The following GPC5 variants were observed in gnomAD, a reference collection of about 807,000 sequenced individuals.
GPC5 encodes the protein glypican-5.
Under a neutral mutation model 53.9 loss-of-function variants are expected in GPC5, and 47 were observed. That is an observed-to-expected ratio of 0.87 (90% CI 0.69 to 1.11). The LOEUF is 1.11. Among genes scored for constraint, GPC5 ranks in the 50% most tolerant of loss-of-function variants. The probability of loss-of-function intolerance (pLI) is 0.00; values close to 1 mark genes in which losing one functional copy is unlikely to be tolerated. For synonymous variants in GPC5, 286 were observed against 263.3 expected (o/e 1.09, Z -0.84); for missense variants, 748 against 713.1 (o/e 1.05, Z -0.56).
At chr13:92,174,494 C>T (rs535317059) in intron 7 of GPC5, among the ~76,000 whole-genome samples, 3 of 150,148 alleles carry the variant, frequency 2.0e-5, no homozygotes, top group Non-Finnish European at 4.4e-5. Context: ...GAGATCGCAC[C>T]ACTGCATTCC....
At chr13:92,084,185 G>C (rs907330484) in intron 6 of GPC5, among the ~76,000 whole-genome samples, 1 of 152,154 alleles carries the variant, frequency 6.6e-6, no homozygotes, top group African/African-American at 2.4e-5. Context: ...CCTTGACACC[G>C]AGGTGACAGG....
chr13:92,861,445 T>G (rs1407953549), intron 7 of GPC5, among the ~76,000 whole-genome samples: 1 of 152,186 alleles, frequency 6.6e-6, no homozygotes, highest in Non-Finnish European at 1.5e-5. Flanking sequence ...CAATAGATAA[T>G]TGACACTTCA....
intron 5 of GPC5, among the ~76,000 whole-genome samples, chr13:91,761,869 C>A (rs966280300): frequency 1.3e-5 from 2 of 152,090 alleles, no homozygotes; most frequent in African/African-American, 4.8e-5. Flanking sequence ...AGCCCCTCTC[C>A]CCTCCCTGGA....
chr13:92,346,628 G>A (rs1488629240), intron 7 of GPC5, among the ~76,000 whole-genome samples: 1 of 152,126 alleles, frequency 6.6e-6, no homozygotes. Flanking sequence ...AGAAAACAAT[G>A]CAAGCACACA....
At chr13:91,924,546 G>A (rs2039748054) in intron 6 of GPC5, among the ~76,000 whole-genome samples, 2 of 151,686 alleles carry the variant, frequency 1.3e-5, no homozygotes, top group Admixed American at 1.3e-4. Context: ...GCAACATGGT[G>A]AAAACCCATC....
intron 5 of GPC5, among the ~76,000 whole-genome samples, chr13:91,848,681 C>T (rs183109084): frequency 1.2e-4 from 18 of 152,258 alleles, no homozygotes; most frequent in Non-Finnish European, 2.1e-4. Flanking sequence ...TTGGGAAATA[C>T]GATATTTGAA....
At chr13:92,551,439 A>G (rs921147093) in intron 7 of GPC5, among the ~76,000 whole-genome samples, 1 of 151,914 alleles carries the variant, frequency 6.6e-6, no homozygotes, top group Non-Finnish European at 1.5e-5. Flanking sequence ...GTGAAGTTTG[A>G]GATGGTTAGC....
intron 7 of GPC5, among the ~76,000 whole-genome samples, chr13:92,795,748 GAC>G (rs1175133624): frequency 1.3e-5 from 2 of 152,046 alleles, no homozygotes; most frequent in Admixed American, 1.3e-4. Context: ...GCAGTGAACA[GAC>G]ACATGAAAAA....
At chr13:92,504,987 A>G (rs1880317661) in intron 7 of GPC5, among the ~76,000 whole-genome samples, 1 of 150,584 alleles carries the variant, frequency 6.6e-6, no homozygotes, top group Non-Finnish European at 1.5e-5. Flanking sequence ...ATATATATAT[A>G]TGTGCATATA....
chr13:92,494,130 C>T (rs1433516570), intron 7 of GPC5, among the ~76,000 whole-genome samples: 1 of 151,768 alleles, frequency 6.6e-6, no homozygotes, highest in Non-Finnish European at 1.5e-5. Flanking sequence ...CGCTCTGTCG[C>T]CCAGGCTGGA....
intron 7 of GPC5, among the ~76,000 whole-genome samples, chr13:92,459,619 A>G (rs944763606): frequency 3.9e-5 from 6 of 152,122 alleles, no homozygotes; most frequent in African/African-American, 1.2e-4. Flanking sequence ...TGTACCGAAT[A>G]TTTTACCATT....
At chr13:92,180,748 G>T (rs2042140857) in intron 7 of GPC5, 1 of 180,724 alleles carries the variant, frequency 5.5e-6, no homozygotes, top group South Asian at 1.1e-4. Flanking sequence ...AAGTACAGCT[G>T]ACACTGTTCA....
chr13:92,185,701 C>T (rs2042179119), intron 7 of GPC5, among the ~76,000 whole-genome samples: 1 of 152,232 alleles, frequency 6.6e-6, no homozygotes, highest in East Asian at 1.9e-4. Flanking sequence ...GTATCTTCAA[C>T]TTAACCCTAC....
At chr13:91,710,017 T>C (rs546858252) in intron 3 of GPC5, among the ~76,000 whole-genome samples, 9 of 152,326 alleles carry the variant, frequency 5.9e-5, no homozygotes, top group African/African-American at 2.2e-4. Context: ...TCCCTTCCTG[T>C]CATGTTCCAG....
At chr13:92,260,822 G>T (rs1425778144) in intron 7 of GPC5, among the ~76,000 whole-genome samples, 1 of 152,010 alleles carries the variant, frequency 6.6e-6, no homozygotes, top group Admixed American at 6.6e-5. Flanking sequence ...ATTAACATGA[G>T]AATTGAAAAA....
At chr13:92,020,746 T>A (rs2040751014) in intron 6 of GPC5, among the ~76,000 whole-genome samples, 1 of 150,582 alleles carries the variant, frequency 6.6e-6, no homozygotes, top group Non-Finnish European at 1.5e-5. Context: ...CCTTAACAAA[T>A]ATATGGCTTG....
chr13:92,701,786 C>A (rs914143239), intron 7 of GPC5, among the ~76,000 whole-genome samples: 1 of 151,774 alleles, frequency 6.6e-6, no homozygotes, highest in African/African-American at 2.4e-5. Context: ...GAATCGTTGG[C>A]GAATAGATGA....
At chr13:91,712,539 A>G (rs1204502052) in intron 3 of GPC5, among the ~76,000 whole-genome samples, 1 of 152,192 alleles carries the variant, frequency 6.6e-6, no homozygotes, top group African/African-American at 2.4e-5. Flanking sequence ...TCAACAAACA[A>G]TATAATCTAT....
intron 7 of GPC5, among the ~76,000 whole-genome samples, chr13:92,168,723 C>T (rs1353328230): frequency 1.3e-5 from 2 of 152,150 alleles, no homozygotes; most frequent in African/African-American, 4.8e-5. Context: ...AATGCTTTTA[C>T]ACTGTTGGTG....
Sources: allele counts gnomAD v4.1 joint callset (sites outside exome capture counted in the v4.1 genomes callset), GRCh38; gene constraint gnomAD v4.1.1; transcripts MANE v1.5; gene names NCBI Gene and HGNC (gene_info 2026-07-23, HGNC 2026-07-21).